The following STAT4 variants were observed in gnomAD, a reference collection of about 807,000 sequenced individuals.
The protein encoded by STAT4 is signal transducer and activator of transcription 4.
A neutral mutation model predicts 110.5 loss-of-function variants in STAT4; 42 were observed. The ratio of observed to expected loss-of-function variants is 0.38; its 90% CI spans 0.30 to 0.49. STAT4 has a LOEUF of 0.49. Ranked by LOEUF, STAT4 falls within the 20% of genes least tolerant of loss-of-function variation. STAT4 has a pLI of 0.95. For missense variants in STAT4, 632 were observed against 887.9 expected, an observed-to-expected ratio of 0.71 and a Z score of 3.66; for synonymous variants, 284 against 302.2, an observed-to-expected ratio of 0.94 and a Z score of 0.63.
chr2:191,054,351 A>G (rs545531571), intron 14 of STAT4, 139 bp downstream of exon 14: 1 of 682,290 alleles, frequency 1.5e-6, no homozygotes, highest in African/African-American at 1.8e-5. Flanking sequence ...TATTGTCTGC[A>G]ATTATCAAGC....
chr2:191,064,812 C>G lies in STAT4; in HGVS notation c.777G>C (p.Gln259His). The change falls in exon 8 of 24, where the codon CAG becomes CAC. Residue 259 changes from glutamine (Q) to histidine (H), a missense_variant. This residue lies in a region of STAT4 where 488 missense variants were observed against 632.8 expected (regional missense o/e 0.77). Transcript: ENST00000392320. ...CTGCAGTCGATTCGTTTTACCAGTT[C>G]TGAAGCTGGTCGAGCCCATTGTGGA... ...GPLHNGLDQL[Q>H]NCFTLLAESL... 2 of 1,610,368 alleles carry G rather than the reference C, an allele frequency of 1.2e-6. No homozygotes were observed. The highest frequency in any genetic ancestry group is 1.7e-6 in the Non-Finnish European group (2 of 1,178,654).
In STAT4 at chr2:191,043,010, C is replaced by G. The variant is rs1351399792; in HGVS notation, c.1252-1862G>C. ...GTCAAGCTGGGCTCGAACTCCCGAC[C>G]TCAGGTGATCCACCCGCCTTGGCCT... On this transcript the variant is annotated intron_variant, in intron 14 of 23. Coordinates refer to ENST00000392320, the MANE Select transcript of STAT4 (RefSeq NM_003151.4). The surrounding 1 kb of genome is among the most constrained non-coding windows in gnomAD (Gnocchi z 4.8). Among the ~76,000 whole-genome samples, 1 of 152,196 alleles carries G rather than the reference C, an allele frequency of 6.6e-6. No homozygotes were observed. Among genetic ancestry groups the G allele is most frequent in the African/African-American group, 2.4e-5 (1 of 41,444 alleles).
At chr2:191,109,933 C>T (rs1220716275) in intron 3 of STAT4, among the ~76,000 whole-genome samples, 5 of 152,248 alleles carry the variant, frequency 3.3e-5, no homozygotes, top group African/African-American at 1.2e-4. Context: ...GAGGGAATAT[C>T]AACGCTCTAG....
rs904703045 is a variant in STAT4, at chr2:191,138,007, T to C, written c.273+8606A>G. ...GAAAACAAAAACAAAAATAGATAAATAGAACTACATTAAACTAAAAAGCTT... is the reference window on the plus strand; with the variant it reads ...GAAAACAAAAACAAAAATAGATAAACAGAACTACATTAAACTAAAAAGCTT... On this transcript the variant is annotated intron_variant, in intron 3 of 23. Transcript: ENST00000392320. This position sits in a 1 kb window ranked among gnomAD's most constrained non-coding sequence, Gnocchi z 4.3. 8.5e-5 allele frequency among the ~76,000 whole-genome samples: 13 copies of C among 152,130 alleles called. No individual in the cohort carries two copies. The highest frequency in any genetic ancestry group is 2.9e-4 in the African/African-American group (12 of 41,508).
intron 18 of STAT4, 140 bp from the exon 19 acceptor site, chr2:191,034,145 T>G (rs190501057): frequency 1.6e-4 from 108 of 689,584 alleles, no homozygotes; most frequent in Admixed American, 7.0e-4. Context: ...ATTCTTGGCC[T>G]GGTGTGGTGG....
chr2:191,031,613 G>A lies in STAT4; in HGVS notation c.2045-97C>T. On this transcript the variant is annotated intron_variant, in intron 21 of 23. Coordinates refer to ENST00000392320, the MANE Select transcript of STAT4 (RefSeq NM_003151.4). The surrounding 1 kb of genome is among the most constrained non-coding windows in gnomAD (Gnocchi z 4.8). ...TCTAGAAAAATATTAACAATGATAA[G>A]AGGAAGAGAGATAACGCAGTTGTTC... The A allele has an allele frequency of 1.0e-6, 1 of 955,912 alleles. No homozygotes were observed. Among genetic ancestry groups the A allele is most frequent in the Non-Finnish European group, 1.6e-6 (1 of 622,308 alleles). The allele number at this position is 955,912 out of a possible 1,614,324, so 59.2% of individuals were successfully genotyped here. A position where few individuals can be genotyped will look rare whatever the true frequency, so the allele number is the denominator to read the frequency against.
Position 191,069,673 on chromosome 2 carries a change from T to C in STAT4, c.544+20A>G, listed in dbSNP as rs532219423. The C allele has an allele frequency of 3.1e-5, 50 of 1,593,256 alleles. No individual in the cohort carries two copies. Among genetic ancestry groups the C allele is most frequent in the South Asian group, 1.8e-4 (16 of 88,500 alleles). On this transcript the variant is annotated intron_variant, in intron 6 of 23. Coordinates refer to ENST00000392320, the MANE Select transcript of STAT4 (RefSeq NM_003151.4). ...GCCTTTTTGTCTCTATGCATAATTA[T>C]AGAAAAAACAAAAACTTACCCATTG...
chr2:191,092,220 A>G (rs993498216), intron 3 of STAT4, among the ~76,000 whole-genome samples: 1 of 152,132 alleles, frequency 6.6e-6, no homozygotes, highest in African/African-American at 2.4e-5. Context: ...TCTAACCAAC[A>G]TGGTGAAACC....
chr2:191,080,813 C>T (rs1392945142), intron 3 of STAT4, among the ~76,000 whole-genome samples: 2 of 152,236 alleles, frequency 1.3e-5, no homozygotes, highest in African/African-American at 2.4e-5. Context: ...CATCCACTAT[C>T]GTGTTTCACT....
chr2:191,034,641 A>G (rs1695995787), intron 17 of STAT4, 44 bp from the exon 18 acceptor site: 2 of 1,405,284 alleles, frequency 1.4e-6, no homozygotes, highest in South Asian at 2.3e-5. Flanking sequence ...GGACAATGAG[A>G]TGCTTCAATT....
chr2:191,080,547 A>C (rs183294989), intron 3 of STAT4, among the ~76,000 whole-genome samples: 16 of 152,300 alleles, frequency 1.1e-4, no homozygotes, highest in African/African-American at 3.8e-4. Flanking sequence ...ATTTCTCAGT[A>C]GAAGGTTTCA....
chr2:191,145,577 AG>A (rs1277708223), intron 3 of STAT4, among the ~76,000 whole-genome samples: 1 of 152,206 alleles, frequency 6.6e-6, no homozygotes, highest in African/African-American at 2.4e-5. Flanking sequence ...TTTTTAGTCA[AG>A]TGTCTTGCAG....
Position 191,042,736 on chromosome 2 carries a change from T to C in STAT4, c.1252-1588A>G, listed in dbSNP as rs967391419. 6.6e-6 allele frequency among the ~76,000 whole-genome samples: 1 copy of C among 152,182 alleles called. No individual in the cohort carries two copies. Among genetic ancestry groups the C allele is most frequent in the African/African-American group, 2.4e-5 (1 of 41,452 alleles). The stretch of plus-strand genomic sequence containing the variant: ...AAGATAGGCAAAATATTAATCATTG[T>C]TGAAGTTAGGTGATGCTTAAATTCA... On this transcript the variant is annotated intron_variant, in intron 14 of 23. Transcript: ENST00000392320. This position sits in a 1 kb window ranked among gnomAD's most constrained non-coding sequence, Gnocchi z 4.2.
At chr2:191,123,439 T>A (rs1273981896) in intron 3 of STAT4, among the ~76,000 whole-genome samples, 1 of 152,216 alleles carries the variant, frequency 6.6e-6, no homozygotes, top group Non-Finnish European at 1.5e-5. Context: ...AAAGGTTTCC[T>A]CTACCCTTCC....
rs1696479888 is a variant in STAT4, at chr2:191,050,182, T to G, written c.1251+4308A>C. Among the ~76,000 whole-genome samples, 1 of 152,214 alleles carries G rather than the reference T, an allele frequency of 6.6e-6. No homozygotes were observed. On this transcript the variant is annotated intron_variant, in intron 14 of 23. Transcript: ENST00000392320. The surrounding 1 kb of genome is among the most constrained non-coding windows in gnomAD (Gnocchi z 4.3). ...AAAGAGCAAACTGGAGAAACTGCAA[T>G]TCCAGCTTCTCTATTCAAACAGTTT...
chr2:191,101,848 T>A (rs1167604137), intron 3 of STAT4, among the ~76,000 whole-genome samples: 2 of 152,112 alleles, frequency 1.3e-5, no homozygotes, highest in Non-Finnish European at 2.9e-5. Context: ...TCTAACAACC[T>A]CATAGTTATG....
chr2:191,132,800 G>A (rs1024920265), intron 3 of STAT4, among the ~76,000 whole-genome samples: 2 of 149,698 alleles, frequency 1.3e-5, no homozygotes, highest in South Asian at 2.1e-4. Flanking sequence ...TGTCGCCCAG[G>A]CTGGAGTGCA....
chr2:191,141,723 C>T (rs369910033), intron 3 of STAT4, among the ~76,000 whole-genome samples: 4 of 151,556 alleles, frequency 2.6e-5, no homozygotes, highest in East Asian at 1.9e-4. Flanking sequence ...CTCCATCTCC[C>T]GGGTTCAAGG....
At chr2:191,127,559 T>C (rs1698915217) in intron 3 of STAT4, among the ~76,000 whole-genome samples, 1 of 152,260 alleles carries the variant, frequency 6.6e-6, no homozygotes, top group Non-Finnish European at 1.5e-5. Flanking sequence ...ATAAGAATTT[T>C]ATCTAAGCAC....
Sources: allele counts gnomAD v4.1 joint callset (sites outside exome capture counted in the v4.1 genomes callset), GRCh38; gene constraint gnomAD v4.1.1; regional missense constraint gnomAD v4.1.1; non-coding constraint Gnocchi (gnomAD v3.1); transcripts MANE v1.5; gene names NCBI Gene and HGNC (gene_info 2026-07-23, HGNC 2026-07-21).